HK1: variants seen among roughly 807,000 people sequenced by gnomAD.
HK1 encodes hexokinase 1.
HK1 carries 28 observed loss-of-function variants against 91.6 expected under a neutral mutation model. The observed-to-expected ratio is 0.31, with a 90% CI of 0.23 to 0.42. The LOEUF is 0.42. Among genes scored for constraint, HK1 ranks in the 10% least tolerant of loss-of-function variants. The pLI, the probability that HK1 is intolerant of heterozygous loss-of-function variation, is 1.00. For synonymous variants in HK1, 430 were observed against 468.1 expected, an observed-to-expected ratio of 0.92 and a Z score of 1.05; for missense variants, 770 against 1,219.8, an observed-to-expected ratio of 0.63 and a Z score of 5.49.
At chr10:69,389,942 T>C (rs146341883) in intron 14 of HK1, among the ~76,000 whole-genome samples, 1 of 152,274 alleles carries the variant, frequency 6.6e-6, no homozygotes, top group Non-Finnish European at 1.5e-5. Flanking sequence ...AGGAAACCAT[T>C]TGTCCTGCTG....
intron 1 of HK1, among the ~76,000 whole-genome samples, chr10:69,342,520 C>CTAGG (rs1277152994): frequency 1.3e-5 from 2 of 152,264 alleles, no homozygotes; most frequent in Non-Finnish European, 1.5e-5. Flanking sequence ...GGAGCACCTA[C>CTAGG]TAGGAATGGT....
At chr10:69,325,526 A>AT (rs766090878) in intron 1 of HK1, among the ~76,000 whole-genome samples, 2,972 of 125,894 alleles carry the variant, frequency 0.024, 31 homozygotes, top group South Asian at 0.042. Context: ...CCTGGCCTGC[A>AT]TTTTTTTTTT....
chr10:69,351,962 T>A (rs1021297731), intron 2 of HK1, among the ~76,000 whole-genome samples: 7 of 152,142 alleles, frequency 4.6e-5, no homozygotes, highest in Non-Finnish European at 1.0e-4. Flanking sequence ...GAGGAGCTAC[T>A]TCATACTGAA....
intron 1 of HK1, among the ~76,000 whole-genome samples, chr10:69,328,838 C>G (rs1304867491): frequency 6.6e-6 from 1 of 151,518 alleles, no homozygotes; most frequent in Non-Finnish European, 1.5e-5. Flanking sequence ...CACTATCTAC[C>G]TTTTTTTTTC....
chr10:69,352,950 G>GTT (rs1424674716), intron 2 of HK1, among the ~76,000 whole-genome samples: 3 of 152,134 alleles, frequency 2.0e-5, no homozygotes, highest in Non-Finnish European at 4.4e-5. Flanking sequence ...AAATATACAT[G>GTT]TTGGTCTCTG....
intron 5 of HK1, among the ~76,000 whole-genome samples, chr10:69,310,659 T>A (rs964916224): frequency 3.9e-5 from 6 of 152,178 alleles, no homozygotes; most frequent in Non-Finnish European, 7.3e-5. Flanking sequence ...CAGTAGCCCA[T>A]GACACAGCCC....
At chr10:69,295,822 C>T in intron 4 of HK1, 1 of 694,630 alleles carries the variant, frequency 1.4e-6, no homozygotes, top group Non-Finnish European at 2.6e-6. Context: ...GCAGTATTGA[C>T]CTCCAACTTG....
chr10:69,285,480 A>G (rs190878630), intron 2 of HK1, among the ~76,000 whole-genome samples: 179 of 152,342 alleles, frequency 1.2e-3, no homozygotes, highest in African/African-American at 4.2e-3. Flanking sequence ...TCCAGCTATT[A>G]GCAAAATTCA....
chr10:69,392,286 T>C lies in HK1; in HGVS notation c.2197T>C (p.Ser733Pro). ...THYDRLVDEY[S>P]LNAGKQRYEK... ...CTACGACAGACTGGTGGACGAATAT[T>C]CCCTAAATGCTGGGAAACAAAGGTA... The change falls in exon 15 of 18, where the codon TCC (serine) becomes CCC (proline). Residue 733 changes from serine to proline, a missense_variant. By Grantham distance (74) the Ser-to-Pro change is moderately conservative. This residue lies in a region of HK1 where 152 missense variants were observed against 211.1 expected (regional missense o/e 0.72). Coordinates refer to ENST00000359426, the MANE Select transcript of HK1 (RefSeq NM_000188.3). 6.2e-7 allele frequency: 1 copy of C among 1,614,120 alleles called. No individual in the cohort carries two copies. The highest frequency in any genetic ancestry group is 8.5e-7 in the Non-Finnish European group (1 of 1,180,024).
At chr10:69,275,032 A>G (rs1259436622) in intron 1 of HK1, among the ~76,000 whole-genome samples, 2 of 152,114 alleles carry the variant, frequency 1.3e-5, no homozygotes, top group Non-Finnish European at 2.9e-5. Flanking sequence ...CCAGCCTTCC[A>G]GTATCTCTAA....
At chr10:69,392,787 C>A (rs998759268) in intron 15 of HK1, among the ~76,000 whole-genome samples, 5 of 152,256 alleles carry the variant, frequency 3.3e-5, no homozygotes, top group Admixed American at 6.5e-5. Flanking sequence ...TTGTCTCAAG[C>A]CCCCAGGAAT....
chr10:69,313,748 G>T (rs1237458851), upstream of HK1, among the ~76,000 whole-genome samples: 1 of 152,160 alleles, frequency 6.6e-6, no homozygotes, highest in Non-Finnish European at 1.5e-5. Context: ...GTCTGCCTCA[G>T]CCTCCCAAAG....
At position 69,276,118 on chromosome 10, in the gene HK1, A is replaced by AAAAAAT; in HGVS notation, c.-391+6011_-391+6012insAAAATA. On this transcript the variant is annotated intron_variant, in intron 1 of 21. Transcript: ENST00000360289. ...AAAAAAAAAAAAAAAAAAAAAAAAA[A>AAAAAAT]ATACATATATATATATATATACACA... is the stretch of plus-strand genomic sequence containing the variant. Among the ~76,000 whole-genome samples the AAAAAAT allele has an allele frequency of 9.4e-4, 36 of 38,270 alleles. 3 individuals are homozygous for AAAAAAT. The highest frequency in any genetic ancestry group is 2.2e-3 in the Admixed American group (4 of 1,798). 25.1% of individuals were successfully genotyped at this position (38,270 alleles called of 152,430 possible). A position where few individuals can be genotyped will look rare whatever the true frequency, so the allele number is the denominator to read the frequency against.
intron 7 of HK1, among the ~76,000 whole-genome samples, chr10:69,372,746 T>TA (rs980218051): frequency 1.3e-5 from 2 of 152,022 alleles, no homozygotes; most frequent in African/African-American, 4.8e-5. Flanking sequence ...AGCGGTCTTT[T>TA]AAAAAAAATA....
chr10:69,375,769 TC>T (rs1451569521), intron 7 of HK1, among the ~76,000 whole-genome samples: 5 of 152,302 alleles, frequency 3.3e-5, no homozygotes, highest in African/African-American at 1.2e-4. Flanking sequence ...TGGCCCCTCG[TC>T]AGCCAGGATG....
At chr10:69,287,154 G>T (rs930584037) in intron 2 of HK1, among the ~76,000 whole-genome samples, 2 of 152,158 alleles carry the variant, frequency 1.3e-5, no homozygotes, top group South Asian at 4.1e-4. Context: ...AAGGAAAGAG[G>T]TTTAATTGAC....
At chr10:69,394,623 G>A (rs181797485) in intron 15 of HK1, among the ~76,000 whole-genome samples, 1 of 152,252 alleles carries the variant, frequency 6.6e-6, no homozygotes, top group African/African-American at 2.4e-5. Flanking sequence ...CCTGAAACAG[G>A]CAGGTAGAAC....
intron 5 of HK1, among the ~76,000 whole-genome samples, chr10:69,308,885 G>A (rs1846227551): frequency 6.6e-6 from 1 of 152,180 alleles, no homozygotes. Flanking sequence ...AGGAGACAGA[G>A]CTGAGGCGGT....
chr10:69,302,235 A>G (rs10823336), intron 5 of HK1, among the ~76,000 whole-genome samples: 135,486 of 150,532 alleles, frequency 0.9, 61,126 homozygotes, highest in East Asian at 0.99. Flanking sequence ...CAACAAGAGC[A>G]AAACTCCATC....
Sources: gnomAD v4.1 joint callset for allele counts (sites outside exome capture counted in the v4.1 genomes callset) on GRCh38, gnomAD v4.1.1 for gene constraint, gnomAD v4.1.1 regional missense constraint, MANE v1.5 for transcripts, NCBI Gene and HGNC (gene_info 2026-07-23, HGNC 2026-07-21) for gene names.